Variants in ECHDC3 observed in about 807,000 individuals in gnomAD.
ECHDC3 encodes enoyl-CoA hydratase domain containing 3.
In ECHDC3, 20 loss-of-function variants were observed where a neutral mutation model predicts 17.9. That is an observed-to-expected ratio of 1.12 (90% confidence interval 0.79 to 1.63). The LOEUF (loss-of-function observed/expected upper bound fraction) is 1.63. Among genes scored for constraint, ECHDC3 ranks in the 40% most tolerant of loss-of-function variants. ECHDC3 has a pLI of 0.00. For missense variants in ECHDC3, 407 were observed against 357.7 expected, an observed-to-expected ratio of 1.14 and a Z score of -1.11; for synonymous variants, 177 against 149.7, an observed-to-expected ratio of 1.18 and a Z score of -1.33.
At position 11,755,518 on chromosome 10, in the gene ECHDC3, C is replaced by T. The variant is rs145453628; in HGVS notation, c.501C>T (p.Ser167=). ...LVASCDIAVA[S]DKSSFATPGV... is the part of the protein sequence containing the mutation. ...CCAGCTGCGACATTGCCGTGGCGAG[C>T]GACAAGTCCTCTTTTGCCACTCCTG... The change falls in exon 4 of 5, where the codon AGC becomes AGT. Residue 167 remains serine, a synonymous_variant. Coordinates refer to ENST00000379215, the MANE Select transcript of ECHDC3 (RefSeq NM_024693.5). 26,652 of 1,613,920 alleles carry T rather than the reference C, an allele frequency of 0.017. 246 individuals carry two copies. Among genetic ancestry groups the T allele is most frequent in the Middle Eastern group, 0.021 (126 of 6,062 alleles).
chr10:11,742,630 C>G lies in ECHDC3; in HGVS notation c.54C>G (p.Leu18=). Residue 18 remains leucine, a synonymous_variant, in exon 1 of 5, where the codon CTC becomes CTG. Transcript: ENST00000379215. ...RAFGASGPMC[L]RRGPWAQLPA... Reference sequence around the variant, plus strand: ...TCGGGGCAAGTGGGCCCATGTGTCTCCGGCGCGGCCCCTGGGCCCAGCTCC... The same window carrying G: ...TCGGGGCAAGTGGGCCCATGTGTCTGCGGCGCGGCCCCTGGGCCCAGCTCC... 1.6e-6 allele frequency: 2 copies of G among 1,279,658 alleles called. No individual in the cohort carries two copies. The highest frequency in any genetic ancestry group is 2.0e-6 in the Non-Finnish European group (2 of 1,014,104). 79.3% of individuals were successfully genotyped at this position (1,279,658 alleles called of 1,614,324 possible).
chr10:11,758,432 ACT>A (rs1832909202), intron 4 of ECHDC3, among the ~76,000 whole-genome samples: 1 of 152,132 alleles, frequency 6.6e-6, no homozygotes, highest in South Asian at 2.1e-4. Flanking sequence ...AGGCAGGCAG[ACT>A]CTGATTTCCT....
At chr10:11,754,676 A>G (rs1832865806) in intron 3 of ECHDC3, among the ~76,000 whole-genome samples, 1 of 152,214 alleles carries the variant, frequency 6.6e-6, no homozygotes, top group South Asian at 2.1e-4. Context: ...AGCTTCACAC[A>G]AGCACAGTGA....
At position 11,747,372 on chromosome 10, in the gene ECHDC3, A is replaced by G; in HGVS notation, c.194A>G (p.Lys65Arg). 1 of 1,614,020 alleles carries G rather than the reference A, an allele frequency of 6.2e-7. No individual in the cohort carries two copies. The highest frequency in any genetic ancestry group is 1.3e-5 in the African/African-American group (1 of 75,040). Reference protein sequence around the residue: ...GIRNIVLSNPKKRNALSLAML... With the variant: ...GIRNIVLSNPRKRNALSLAML... The stretch of plus-strand genomic sequence containing the variant: ...AGGAACATCGTCTTGAGCAATCCCA[A>G]GAAGAGGAACGCGTTGTCACTTGCA... Residue 65 changes from lysine (K) to arginine (R), a missense_variant, in exon 2 of 5, where the codon AAG (lysine) becomes AGG (arginine). Coordinates refer to ENST00000379215, the MANE Select transcript of ECHDC3 (RefSeq NM_024693.5).
Position 11,742,635 on chromosome 10 carries a change from G to A in ECHDC3, c.59G>A (p.Arg20His), listed in dbSNP as rs1588460898. 7.9e-7 allele frequency: 1 copy of A among 1,272,484 alleles called. No individual in the cohort carries two copies. Among genetic ancestry groups the A allele is most frequent in the African/African-American group, 1.5e-5 (1 of 64,542 alleles). 78.8% of individuals were successfully genotyped at this position (1,272,484 alleles called of 1,614,324 possible). Reference sequence around the variant, plus strand: ...GCAAGTGGGCCCATGTGTCTCCGGCGCGGCCCCTGGGCCCAGCTCCCCGCC... The same window carrying A: ...GCAAGTGGGCCCATGTGTCTCCGGCACGGCCCCTGGGCCCAGCTCCCCGCC... ...FGASGPMCLR[R>H]GPWAQLPARF... The change falls in exon 1 of 5, where the codon CGC (arginine) becomes CAC (histidine). Residue 20 changes from arginine (R) to histidine (H), a missense_variant. Coordinates refer to ENST00000379215, the MANE Select transcript of ECHDC3 (RefSeq NM_024693.5).
chr10:11,742,416 G>A lies in ECHDC3; in HGVS notation c.-161G>A. ...ACTGGGCCTGGCCTGGGGCGTCCCC[G>A]CGAAGCCTGGGCCTGTCAGGCGGTT... On this transcript the variant is annotated 5_prime_UTR_variant, in exon 1 of 5. Coordinates refer to ENST00000379215, the MANE Select transcript of ECHDC3 (RefSeq NM_024693.5). 10 of 604,486 alleles carry A rather than the reference G, an allele frequency of 1.7e-5. No individual in the cohort carries two copies. The highest frequency in any genetic ancestry group is 2.3e-5 in the Non-Finnish European group (10 of 436,330). 37.4% of individuals were successfully genotyped at this position (604,486 alleles called of 1,614,324 possible). A position where few individuals can be genotyped will look rare whatever the true frequency, so the allele number is the denominator to read the frequency against.
At chr10:11,760,046 T>A (rs757454335) in intron 4 of ECHDC3, among the ~76,000 whole-genome samples, 1 of 152,224 alleles carries the variant, frequency 6.6e-6, no homozygotes, top group Non-Finnish European at 1.5e-5. Context: ...GTCCCTGAGC[T>A]TTTCTTCTGC....
chr10:11,762,036 C>A (rs1832959413), intron 4 of ECHDC3, among the ~76,000 whole-genome samples: 1 of 150,634 alleles, frequency 6.6e-6, no homozygotes, highest in Non-Finnish European at 1.5e-5. Context: ...AGTTCAAGAC[C>A]AGCCTGCGTA....
At chr10:11,753,901 A>G (rs1564283973) in intron 3 of ECHDC3, among the ~76,000 whole-genome samples, 1 of 152,084 alleles carries the variant, frequency 6.6e-6, no homozygotes, top group Admixed American at 6.5e-5. Flanking sequence ...CAGCCTCCCA[A>G]GTAGGCTGGG....
chr10:11,757,340 G>A (rs558770266), intron 4 of ECHDC3, among the ~76,000 whole-genome samples: 2 of 152,112 alleles, frequency 1.3e-5, no homozygotes, highest in Non-Finnish European at 2.9e-5. Flanking sequence ...TATTTATCAA[G>A]TTTTAAATTG....
At chr10:11,753,308 G>A (rs550449883) in intron 3 of ECHDC3, among the ~76,000 whole-genome samples, 4 of 152,258 alleles carry the variant, frequency 2.6e-5, no homozygotes, top group Admixed American at 1.3e-4. Flanking sequence ...ACTTGAACCC[G>A]GGAGGCGGAG....
chr10:11,750,058 A>G (rs780507915), intron 3 of ECHDC3, among the ~76,000 whole-genome samples: 1 of 152,120 alleles, frequency 6.6e-6, no homozygotes, highest in Non-Finnish European at 1.5e-5. Context: ...GACCTTCCAA[A>G]GTGCTGGGAT....
chr10:11,748,850 C>A (rs1832792928), intron 2 of ECHDC3, among the ~76,000 whole-genome samples: 1 of 152,226 alleles, frequency 6.6e-6, no homozygotes, highest in Non-Finnish European at 1.5e-5. Context: ...CGTGCCACTG[C>A]ACTCCAGCCT....
intron 3 of ECHDC3, 102 bp from the exon 4 acceptor site, chr10:11,755,306 A>T: frequency 9.1e-7 from 1 of 1,095,002 alleles, no homozygotes; most frequent in Non-Finnish European, 1.3e-6. Context: ...ATCCTGGGCA[A>T]CAGAGTGAGA....
At position 11,742,555 on chromosome 10, in the gene ECHDC3, G is replaced by A; in HGVS notation, c.-22G>A. ...GCCGGCCAGGCAGCGCGATCCTGCG[G>A]CGTCTGGCCATCCCGAATGCTATGG... On this transcript the variant is annotated 5_prime_UTR_variant, in exon 1 of 5. Transcript: ENST00000379215. 1 of 1,266,274 alleles carries A rather than the reference G, an allele frequency of 7.9e-7. No individual in the cohort carries two copies. The highest frequency in any genetic ancestry group is 9.9e-7 in the Non-Finnish European group (1 of 1,008,198). 78.4% of individuals were successfully genotyped at this position (1,266,274 alleles called of 1,614,324 possible).
At chr10:11,760,068 T>C (rs1832930460) in intron 4 of ECHDC3, among the ~76,000 whole-genome samples, 1 of 152,224 alleles carries the variant, frequency 6.6e-6, no homozygotes, top group South Asian at 2.1e-4. Flanking sequence ...AGCAAAATCT[T>C]CATAGTGACC....
At chr10:11,754,123 C>A (rs906033543) in intron 3 of ECHDC3, among the ~76,000 whole-genome samples, 1 of 151,848 alleles carries the variant, frequency 6.6e-6, no homozygotes. Context: ...AGACCTCCCC[C>A]AAAAAAAGTC....
intron 4 of ECHDC3, among the ~76,000 whole-genome samples, chr10:11,761,772 T>G (rs895922695): frequency 1.3e-5 from 2 of 152,258 alleles, no homozygotes; most frequent in African/African-American, 4.8e-5. Context: ...ATCACCTCCT[T>G]GCCCTTGTCT....
At chr10:11,749,647 TG>T in intron 3 of ECHDC3, 55 bp downstream of exon 3, 2 of 1,567,394 alleles carry the variant, frequency 1.3e-6, no homozygotes, top group East Asian at 4.5e-5. Flanking sequence ...TTACATTAAA[TG>T]TTGAGTTCGC....
Sources: allele counts gnomAD v4.1 joint callset (sites outside exome capture counted in the v4.1 genomes callset), GRCh38; gene constraint gnomAD v4.1.1; transcripts MANE v1.5; gene names NCBI Gene and HGNC (gene_info 2026-07-23, HGNC 2026-07-21).